The following ITGA8 variants were observed in gnomAD, a reference collection of about 807,000 sequenced individuals.
ITGA8 encodes the protein integrin subunit alpha 8.
In ITGA8, 91 loss-of-function variants were observed where a neutral mutation model predicts 142.3. The ratio of observed to expected loss-of-function variants is 0.64; its 90% CI spans 0.54 to 0.76. The LOEUF (loss-of-function observed/expected upper bound fraction) is 0.76, where lower values mean the gene tolerates loss of function less well. Among genes scored for constraint, ITGA8 ranks in the 30% least tolerant of loss-of-function variants. The pLI is 0.00. For missense variants in ITGA8, 1,406 were observed against 1,327.7 expected, an observed-to-expected ratio of 1.06 and a Z score of -0.92; for synonymous variants, 505 against 485.2, an observed-to-expected ratio of 1.04 and a Z score of -0.54.
chr10:15,635,995 A>C lies in ITGA8; in HGVS notation c.1399+8035T>G, dbSNP rs1255748571. 4.0e-5 allele frequency among the ~76,000 whole-genome samples: 6 copies of C among 151,294 alleles called. No individual in the cohort carries two copies. In the South Asian group the frequency reaches 1.0e-3, roughly 26 times the overall value. ...AAAAGATAATGGGTTATTTTATTTC[A>C]TTGAGTGTAATTGTCTGAAATGGCT... On this transcript the variant is annotated intron_variant, in intron 13 of 29. Coordinates refer to ENST00000378076, the MANE Select transcript of ITGA8 (RefSeq NM_003638.3).
intron 21 of ITGA8, among the ~76,000 whole-genome samples, chr10:15,593,072 A>G (rs1323017809): frequency 6.6e-6 from 1 of 152,242 alleles, no homozygotes; most frequent in Non-Finnish European, 1.5e-5. Context: ...TTTGGTTTTA[A>G]AAGTCTACAA....
intron 12 of ITGA8, among the ~76,000 whole-genome samples, chr10:15,645,854 G>A (rs1010260518): frequency 2.0e-5 from 3 of 152,130 alleles, no homozygotes; most frequent in Non-Finnish European, 4.4e-5. Context: ...TGAGGAGAGG[G>A]TACTTGGAGG....
Position 15,672,734 on chromosome 10 carries a change from G to A in ITGA8, c.692C>T (p.Ala231Val). Residue 231 changes from alanine (A) to valine (V), a missense_variant, in exon 7 of 30, where the codon GCC becomes GTC. Physicochemically the swap from Ala to Val is moderately conservative, Grantham distance 64 (BLOSUM62 0). Coordinates refer to ENST00000378076, the MANE Select transcript of ITGA8 (RefSeq NM_003638.3). ...ATTTGCAATGATATCTGCAACACTG[G>A]CAGTGATCACTTGTCCTGTGTTTAA... The part of the protein sequence containing the change: ...SFYWQGQVIT[A>V]SVADIIANYS... The A allele has an allele frequency of 6.2e-7, 1 of 1,609,478 alleles. No individual in the cohort carries two copies. Among genetic ancestry groups the A allele is most frequent in the South Asian group, 1.1e-5 (1 of 90,102 alleles).
At chr10:15,613,872 C>A in intron 14 of ITGA8, 105 bp from the exon 15 acceptor site, 1 of 745,402 alleles carries the variant, frequency 1.3e-6, no homozygotes, top group Non-Finnish European at 2.3e-6. Flanking sequence ...CAGAATACTC[C>A]ACAGGCCATT....
intron 2 of ITGA8, among the ~76,000 whole-genome samples, chr10:15,688,677 A>G (rs140782729): frequency 1.1e-4 from 17 of 152,368 alleles, no homozygotes; most frequent in African/African-American, 3.8e-4. Context: ...TATCCCTGGA[A>G]TGCAAGGATA....
chr10:15,530,541 CAA>C (rs57521125), intron 28 of ITGA8, among the ~76,000 whole-genome samples: 2 of 75,214 alleles, frequency 2.7e-5, no homozygotes, highest in Admixed American at 2.1e-4. Context: ...GCGAGACTCT[CAA>C]AAAAAAAAAA....
chr10:15,527,619 A>G (rs752727324), intron 28 of ITGA8, among the ~76,000 whole-genome samples: 2 of 152,176 alleles, frequency 1.3e-5, no homozygotes, highest in Non-Finnish European at 2.9e-5. Context: ...TTTATTTGTT[A>G]CAAACACAGA....
chr10:15,658,705 C>T lies in ITGA8; in HGVS notation c.948+294G>A, dbSNP rs537397676. Among the ~76,000 whole-genome samples the T allele has an allele frequency of 2.0e-5, 3 of 152,328 alleles. No individual in the cohort carries two copies. The South Asian group carries it at 6.2e-4, about 32-fold the overall frequency. On this transcript the variant is annotated intron_variant, in intron 10 of 29. Coordinates refer to ENST00000378076, the MANE Select transcript of ITGA8 (RefSeq NM_003638.3). Reference sequence around the variant, plus strand: ...GCCACTTCCCTCCTGTCTTATATCACTCAGCTTTATTTTCTTTAAATCATG... The same window carrying T: ...GCCACTTCCCTCCTGTCTTATATCATTCAGCTTTATTTTCTTTAAATCATG...
intron 27 of ITGA8, among the ~76,000 whole-genome samples, chr10:15,539,552 G>A (rs977374591): frequency 4.6e-5 from 7 of 152,084 alleles, no homozygotes; most frequent in African/African-American, 1.7e-4. Context: ...ATGACTCTTT[G>A]GACTTGTCTC....
intron 13 of ITGA8, among the ~76,000 whole-genome samples, chr10:15,632,111 G>T (rs1027807682): frequency 6.6e-6 from 1 of 151,942 alleles, no homozygotes. Context: ...AAATAATAAG[G>T]ATTTATTACT....
At chr10:15,710,985 G>A (rs1228550798) in intron 2 of ITGA8, among the ~76,000 whole-genome samples, 1 of 152,152 alleles carries the variant, frequency 6.6e-6, no homozygotes, top group Non-Finnish European at 1.5e-5. Context: ...TATCAGAGCT[G>A]AAGAAGAAAA....
At chr10:15,519,596 TCTG>T (rs895230359) in intron 28 of ITGA8, among the ~76,000 whole-genome samples, 184 bp from the exon 29 acceptor site, 4 of 152,112 alleles carry the variant, frequency 2.6e-5, no homozygotes, top group Non-Finnish European at 5.9e-5. Context: ...TGTTCCTAGA[TCTG>T]CTTGGTTCTG....
chr10:15,584,128 C>G (rs1834467814), intron 23 of ITGA8, among the ~76,000 whole-genome samples: 1 of 152,044 alleles, frequency 6.6e-6, no homozygotes, highest in African/African-American at 2.4e-5. Context: ...GAAACCCCTT[C>G]TCTATTAAAA....
At chr10:15,530,635 A>G (rs965643098) in intron 28 of ITGA8, among the ~76,000 whole-genome samples, 1 of 150,984 alleles carries the variant, frequency 6.6e-6, no homozygotes, top group African/African-American at 2.4e-5. Flanking sequence ...GGTTCTTTGC[A>G]TAGCAAGAAA....
chr10:15,634,700 G>C (rs1833741153), intron 13 of ITGA8, among the ~76,000 whole-genome samples: 1 of 152,194 alleles, frequency 6.6e-6, no homozygotes, highest in South Asian at 2.1e-4. Context: ...ATCAGTCACA[G>C]ATTGGAAGAG....
chr10:15,517,141 CTT>C lies in ITGA8; in HGVS notation c.*15_*16del. The C allele has an allele frequency of 6.3e-7, 1 of 1,590,718 alleles. No homozygotes were observed. The highest frequency in any genetic ancestry group is 8.6e-7 in the Non-Finnish European group (1 of 1,163,380). On this transcript the variant is annotated 3_prime_UTR_variant, in exon 30 of 30. Transcript: ENST00000378076. ...AGGACCAGTGTTTGAGGTCTTTGGT[CTT>C]CTTTTTTTTTCTTGTCATGCCTCAG...
rs1564365219 is a variant in ITGA8 at position 15,592,228 on chromosome 10, C to T, written c.2288G>A (p.Arg763Lys). 6.2e-7 allele frequency: 1 copy of T among 1,612,200 alleles called. No homozygotes were observed. Among genetic ancestry groups the T allele is most frequent in the East Asian group, 2.2e-5 (1 of 44,854 alleles). Residue 763 changes from arginine (R) to lysine (K), a missense_variant, in exon 22 of 30, where the codon AGA (arginine) becomes AAA (lysine). By Grantham distance (26) the Arg-to-Lys change is conservative (BLOSUM62 2). Coordinates refer to ENST00000378076, the MANE Select transcript of ITGA8 (RefSeq NM_003638.3). ...TATAGGCATGTAAAGGTCTAACCTT[C>T]TGATTTGGAGATCGAAGTTAATGCT... ...NMSINFDLQI[R>K]SSNKDNPDSN...
chr10:15,715,101 T>C (rs902964120), intron 2 of ITGA8, among the ~76,000 whole-genome samples: 2 of 152,120 alleles, frequency 1.3e-5, no homozygotes, highest in South Asian at 2.1e-4. Context: ...TCTTCCTTTT[T>C]TTCGGGGGAG....
At chr10:15,624,900 G>C (rs1366827853) in intron 13 of ITGA8, among the ~76,000 whole-genome samples, 1 of 152,170 alleles carries the variant, frequency 6.6e-6, no homozygotes, top group African/African-American at 2.4e-5. Context: ...CTATGAAATT[G>C]GCTTAAGTGT....
Sources: allele counts gnomAD v4.1 joint callset (sites outside exome capture counted in the v4.1 genomes callset), GRCh38; gene constraint gnomAD v4.1.1; transcripts MANE v1.5; gene names NCBI Gene and HGNC (gene_info 2026-07-23, HGNC 2026-07-21).